Variants in STX8 observed in about 807,000 individuals in gnomAD.
STX8 encodes syntaxin 8.
STX8 carries 23 observed loss-of-function variants against 37.5 expected under a neutral mutation model. The ratio of observed to expected loss-of-function variants is 0.61; its 90% CI spans 0.44 to 0.87. The LOEUF is 0.87. Ranked by LOEUF, STX8 falls within the 40% of genes least tolerant of loss-of-function variation. The probability of loss-of-function intolerance (pLI) is 0.00; values close to 1 mark genes in which losing one functional copy is unlikely to be tolerated. For missense variants in STX8, 313 were observed against 284.7 expected, an observed-to-expected ratio of 1.10 and a Z score of -0.71; for synonymous variants, 115 against 99.1, an observed-to-expected ratio of 1.16 and a Z score of -0.95.
chr17:9,543,119 T>C (rs1301591933), intron 4 of STX8, among the ~76,000 whole-genome samples: 2 of 152,136 alleles, frequency 1.3e-5, no homozygotes, highest in African/African-American at 4.8e-5. Flanking sequence ...TCATCACGAC[T>C]GCCTCATCAC....
chr17:9,564,474 C>T (rs768594073), intron 2 of STX8, among the ~76,000 whole-genome samples: 16 of 152,078 alleles, frequency 1.1e-4, no homozygotes, highest in Non-Finnish European at 1.9e-4. Flanking sequence ...ACTCCCAGTC[C>T]AAAAGCTCAT....
chr17:9,534,817 G>A (rs1041683966), intron 4 of STX8, among the ~76,000 whole-genome samples: 2 of 151,834 alleles, frequency 1.3e-5, no homozygotes, highest in Non-Finnish European at 2.9e-5. Flanking sequence ...TTAAAAAGAA[G>A]TTTAATGGCA....
At chr17:9,351,601 T>C (rs1328146760) in intron 7 of STX8, among the ~76,000 whole-genome samples, 3 of 152,212 alleles carry the variant, frequency 2.0e-5, no homozygotes, top group Non-Finnish European at 4.4e-5. Flanking sequence ...CCTCATTTAC[T>C]CAATAATGTC....
At chr17:9,488,968 C>T (rs1377073934) in intron 6 of STX8, among the ~76,000 whole-genome samples, 1 of 152,136 alleles carries the variant, frequency 6.6e-6, no homozygotes, top group Non-Finnish European at 1.5e-5. Context: ...CCCCTGCCTC[C>T]TGGGTTCAAG....
Position 9,285,454 on chromosome 17 carries a change from C to T in STX8, c.644-34809G>A, listed in dbSNP as rs116227901. ...AAAGGAGAAACATCTGGGACATCTC[C>T]GTCTACCTGAGGCCCTGGACTGCTG... On this transcript the variant is annotated intron_variant, in intron 7 of 7. Transcript: ENST00000306357. Among the ~76,000 whole-genome samples the T allele has an allele frequency of 5.0e-3, 766 of 152,016 alleles. 7 individuals are homozygous for T. The highest frequency in any genetic ancestry group is 0.018 in the African/African-American group (727 of 41,438).
rs368713078 is a variant in STX8 at position 9,360,337 on chromosome 17, C to T, written c.643+18215G>A. ...GCAACCTCTGCCTCCCGGGTTCAAG[C>T]GATTCTCCTGCCTCAGCCTCCCGAG... On this transcript the variant is annotated intron_variant, in intron 7 of 7. Transcript: ENST00000306357. 2.2e-4 allele frequency among the ~76,000 whole-genome samples: 32 copies of T among 146,274 alleles called. 1 individual carries two copies. The East Asian group carries it at 4.4e-3, about 20-fold the overall frequency.
Position 9,418,374 on chromosome 17 carries a change from G to T in STX8, c.542-39721C>A, listed in dbSNP as rs146102651. On this transcript the variant is annotated intron_variant, in intron 6 of 7. Transcript: ENST00000306357. ...AGGCAGTGAAAGTCGAAAACTAACA[G>T]TAAGTGTGGGATACATCCCCATTAG... Among the ~76,000 whole-genome samples the T allele has an allele frequency of 1.6e-3, 246 of 152,282 alleles. 2 individuals carry two copies. The highest frequency in any genetic ancestry group is 5.2e-3 in the African/African-American group (215 of 41,572).
Position 9,441,301 on chromosome 17 carries a change from CCAA to C in STX8, c.541+50525_541+50527del, listed in dbSNP as rs1403628061. Reference sequence around the variant, plus strand: ...GGTTGGGAGATCAAAACCATCCTGGCCAACATGATGAAACCCTGTCTCTACTAA... The same window carrying C: ...GGTTGGGAGATCAAAACCATCCTGGCCATGATGAAACCCTGTCTCTACTAA... On this transcript the variant is annotated intron_variant, in intron 6 of 7. Coordinates refer to ENST00000306357, the MANE Select transcript of STX8 (RefSeq NM_004853.3). Among the ~76,000 whole-genome samples the C allele has an allele frequency of 8.6e-5, 13 of 151,826 alleles. No homozygotes were observed. The South Asian group carries it at 1.0e-3, about 12-fold the overall frequency.
rs192848370 is a variant in STX8, at chr17:9,284,962, T to G, written c.644-34317A>C. Among the ~76,000 whole-genome samples the G allele has an allele frequency of 1.4e-4, 21 of 152,278 alleles. No homozygotes were observed. In the South Asian group the frequency reaches 2.5e-3, roughly 18 times the overall value. ...GGGCTTGCTTTATTTCCTCTGATGG[T>G]TTCCAGCAGGGAACCTTGGCCTTAG... is the stretch of plus-strand genomic sequence containing the variant. On this transcript the variant is annotated intron_variant, in intron 7 of 7. Coordinates refer to ENST00000306357, the MANE Select transcript of STX8 (RefSeq NM_004853.3).
rs114272365 is a variant in STX8, at chr17:9,315,305, A to C, written c.643+63247T>G. On this transcript the variant is annotated intron_variant, in intron 7 of 7. Coordinates refer to ENST00000306357, the MANE Select transcript of STX8 (RefSeq NM_004853.3). ...AAAACAAAAACAACAAAAAAAAAAAACAAGCAGCCCTTTTGAGACTTGCTC... is the reference window on the plus strand; with the variant it reads ...AAAACAAAAACAACAAAAAAAAAAACCAAGCAGCCCTTTTGAGACTTGCTC... Among the ~76,000 whole-genome samples, 1,097 of 151,650 alleles carry C rather than the reference A, an allele frequency of 7.2e-3. 19 individuals are homozygous for C. Among genetic ancestry groups the C allele is most frequent in the African/African-American group, 0.025 (1,049 of 41,190 alleles).
intron 6 of STX8, among the ~76,000 whole-genome samples, chr17:9,450,420 G>T (rs1456128048): frequency 3.3e-5 from 5 of 151,938 alleles, no homozygotes; most frequent in African/African-American, 9.7e-5. Context: ...AAAAAAGGTA[G>T]TAAAAAATAA....
At chr17:9,546,801 G>A (rs1906546746) in intron 3 of STX8, among the ~76,000 whole-genome samples, 1 of 150,886 alleles carries the variant, frequency 6.6e-6, no homozygotes, top group Non-Finnish European at 1.5e-5. Context: ...TTTTCACCAT[G>A]TTGGCCAGGA....
At chr17:9,315,512 A>T (rs1168130377) in intron 7 of STX8, among the ~76,000 whole-genome samples, 1 of 152,212 alleles carries the variant, frequency 6.6e-6, no homozygotes, top group Non-Finnish European at 1.5e-5. Context: ...CCAGAGGGAA[A>T]ATGTGGGATG....
intron 6 of STX8, among the ~76,000 whole-genome samples, chr17:9,381,795 C>T (rs567450886): frequency 4.5e-4 from 68 of 152,286 alleles, no homozygotes; most frequent in Non-Finnish European, 7.9e-4. Context: ...ATGGTGGAAC[C>T]CCTTCTCTGC....
chr17:9,323,019 T>G (rs1909631589), intron 7 of STX8, among the ~76,000 whole-genome samples: 1 of 152,020 alleles, frequency 6.6e-6, no homozygotes, highest in African/African-American at 2.4e-5. Flanking sequence ...GTACAAACAC[T>G]GTAGTTCCTT....
At chr17:9,274,520 C>T (rs1215494256) in intron 7 of STX8, among the ~76,000 whole-genome samples, 2 of 150,936 alleles carry the variant, frequency 1.3e-5, no homozygotes, top group Non-Finnish European at 3.0e-5. Context: ...ACTAAAAATA[C>T]AAAAAATTAA....
intron 6 of STX8, among the ~76,000 whole-genome samples, chr17:9,393,068 G>A (rs531832915): frequency 4.6e-5 from 7 of 152,194 alleles, no homozygotes; most frequent in African/African-American, 1.7e-4. Flanking sequence ...CCAAATTGCT[G>A]AACACTAAAG....
intron 7 of STX8, among the ~76,000 whole-genome samples, chr17:9,337,511 C>T (rs1910176707): frequency 6.6e-6 from 1 of 152,040 alleles, no homozygotes; most frequent in Admixed American, 6.6e-5. Flanking sequence ...GGATTACAGG[C>T]ACACGCCACC....
At chr17:9,375,063 CAAAAAAAAAAAA>C (rs58594029) in intron 7 of STX8, among the ~76,000 whole-genome samples, 4 of 65,454 alleles carry the variant, frequency 6.1e-5, no homozygotes, top group African/African-American at 1.0e-4. Flanking sequence ...GACTCTGTCT[CAAAAAAAAAAAA>C]AAAAAAAAAA....
Sources: gnomAD v4.1 joint callset for allele counts (sites outside exome capture counted in the v4.1 genomes callset) on GRCh38, gnomAD v4.1.1 for gene constraint, MANE v1.5 for transcripts, NCBI Gene and HGNC (gene_info 2026-07-23, HGNC 2026-07-21) for gene names.